Variants in LRRTM4 observed in about 807,000 individuals in gnomAD.
LRRTM4 encodes the protein leucine-rich repeat transmembrane neuronal protein 4.
A neutral mutation model predicts 47.6 loss-of-function variants in LRRTM4; 25 were observed. That is an observed-to-expected ratio of 0.53 (90% CI 0.38 to 0.73). LRRTM4 has a LOEUF of 0.73. Ranked by LOEUF, LRRTM4 falls within the 30% of genes least tolerant of loss-of-function variation. The pLI is 0.00. For missense variants in LRRTM4, 638 were observed against 713.4 expected (o/e 0.89, Z 1.20); for synonymous variants, 311 against 269.5 (o/e 1.15, Z -1.51).
intron 3 of LRRTM4, among the ~76,000 whole-genome samples, chr2:77,269,175 T>C (rs558748316): frequency 5.9e-5 from 9 of 152,282 alleles, no homozygotes; most frequent in African/African-American, 2.2e-4. Context: ...GAATTTCTTT[T>C]AATAAACTGG....
At chr2:77,382,469 AT>A (rs1673099671) in intron 3 of LRRTM4, among the ~76,000 whole-genome samples, 2 of 152,098 alleles carry the variant, frequency 1.3e-5, no homozygotes, top group Non-Finnish European at 2.9e-5. Flanking sequence ...CCTTACAGAT[AT>A]CCCCCAAAAT....
At chr2:76,974,227 C>CATATATATATATATACATATATAT (rs770055399) in intron 3 of LRRTM4, among the ~76,000 whole-genome samples, 2 of 125,152 alleles carry the variant, frequency 1.6e-5, no homozygotes, top group Admixed American at 8.5e-5. Flanking sequence ...TATATACATA[C>CATATATATATATATACATATATAT]ATATATATAT....
chr2:77,399,572 G>C (rs1169368617), intron 3 of LRRTM4, among the ~76,000 whole-genome samples: 2 of 151,842 alleles, frequency 1.3e-5, no homozygotes, highest in Non-Finnish European at 1.5e-5. Context: ...GGTGACTGTA[G>C]TTAACAACAA....
intron 3 of LRRTM4, among the ~76,000 whole-genome samples, chr2:77,216,752 T>G (rs950814125): frequency 6.6e-6 from 1 of 151,494 alleles, no homozygotes; most frequent in Non-Finnish European, 1.5e-5. Flanking sequence ...CTTTCAGACT[T>G]AGTTGTGCAT....
At chr2:77,481,258 C>T (rs1056792268) in intron 3 of LRRTM4, among the ~76,000 whole-genome samples, 1 of 152,290 alleles carries the variant, frequency 6.6e-6, no homozygotes, top group South Asian at 2.1e-4. Context: ...TTATTATCTC[C>T]ATTTTAGAGA....
In LRRTM4 at chr2:76,880,292, C is replaced by G. The variant is rs116488350; in HGVS notation, c.1552-131376G>C. Reference sequence around the variant, plus strand: ...TATCTATTTTTAAAAATTGCCATAGCCACCTCGAACTTCAGCAACCACCAC... The same window carrying G: ...TATCTATTTTTAAAAATTGCCATAGGCACCTCGAACTTCAGCAACCACCAC... On this transcript the variant is annotated intron_variant, in intron 3 of 3. Transcript: ENST00000409884. Among the ~76,000 whole-genome samples, 340 of 152,234 alleles carry G rather than the reference C, an allele frequency of 2.2e-3. 2 individuals carry two copies. The highest frequency in any genetic ancestry group is 7.4e-3 in the African/African-American group (306 of 41,544).
chr2:77,010,534 ACACACACACAC>A (rs1372458505), intron 3 of LRRTM4, among the ~76,000 whole-genome samples: 3 of 125,316 alleles, frequency 2.4e-5, no homozygotes, highest in African/African-American at 8.2e-5. Flanking sequence ...ACACACACAC[ACACACACACAC>A]AGTCTTTAAC....
chr2:77,050,384 T>G (rs1405091452), intron 3 of LRRTM4, among the ~76,000 whole-genome samples: 2 of 152,152 alleles, frequency 1.3e-5, no homozygotes, highest in African/African-American at 4.8e-5. Context: ...GTAGGGGGTT[T>G]TGTTTGTTTT....
intron 3 of LRRTM4, among the ~76,000 whole-genome samples, chr2:76,977,080 C>G (rs114468709): frequency 0.018 from 2,669 of 151,526 alleles, 66 homozygotes; most frequent in African/African-American, 0.057. Flanking sequence ...TCACTTTCAG[C>G]AAAACTCTTA....
intron 3 of LRRTM4, among the ~76,000 whole-genome samples, chr2:76,981,335 G>A (rs1676601369): frequency 6.6e-6 from 1 of 152,040 alleles, no homozygotes; most frequent in African/African-American, 2.4e-5. Context: ...TCCACAGTTG[G>A]GAAGAGCAAC....
At chr2:77,386,477 C>T (rs1461019521) in intron 3 of LRRTM4, among the ~76,000 whole-genome samples, 2 of 152,106 alleles carry the variant, frequency 1.3e-5, no homozygotes, top group East Asian at 1.9e-4. Flanking sequence ...CATAGTACTC[C>T]ATGGTGTGTA....
chr2:77,275,591 A>T (rs1475444580), intron 3 of LRRTM4, among the ~76,000 whole-genome samples: 1 of 152,166 alleles, frequency 6.6e-6, no homozygotes, highest in Non-Finnish European at 1.5e-5. Flanking sequence ...AAGGCTTTTT[A>T]AAACTACTGT....
chr2:77,045,836 G>T (rs1278754978), intron 3 of LRRTM4, among the ~76,000 whole-genome samples: 3 of 151,400 alleles, frequency 2.0e-5, no homozygotes, highest in Admixed American at 1.3e-4. Flanking sequence ...CATTTTTTTT[G>T]CTATCATCTG....
chr2:77,216,990 G>A lies in LRRTM4; in HGVS notation c.1551+301328C>T, dbSNP rs920837172. On this transcript the variant is annotated intron_variant, in intron 3 of 3. Coordinates refer to ENST00000409884, the MANE Select transcript of LRRTM4 (RefSeq NM_001134745.3). Reference sequence around the variant, plus strand: ...CGGGAGGCTGAGGCAGGAGAATGGCGTGAACCTGGGAGGCAGAGGTTGCGG... The same window carrying A: ...CGGGAGGCTGAGGCAGGAGAATGGCATGAACCTGGGAGGCAGAGGTTGCGG... Among the ~76,000 whole-genome samples, 16 of 151,264 alleles carry A rather than the reference G, an allele frequency of 1.1e-4. No homozygotes were observed. In the East Asian group the frequency reaches 2.2e-3, roughly 20 times the overall value.
chr2:77,089,063 A>C (rs569366049), intron 3 of LRRTM4, among the ~76,000 whole-genome samples: 2 of 152,178 alleles, frequency 1.3e-5, no homozygotes, highest in East Asian at 3.9e-4. Flanking sequence ...CTCTCTGATT[A>C]TACGCCCACG....
chr2:77,136,473 CT>C (rs1671946194), intron 3 of LRRTM4, among the ~76,000 whole-genome samples: 1 of 152,186 alleles, frequency 6.6e-6, no homozygotes, highest in Non-Finnish European at 1.5e-5. Context: ...AAAACCCCAT[CT>C]GTATGTCACC....
chr2:77,125,279 A>T (rs528891752), intron 3 of LRRTM4, among the ~76,000 whole-genome samples: 1 of 152,258 alleles, frequency 6.6e-6, no homozygotes, highest in Admixed American at 6.5e-5. Flanking sequence ...GATGATGTTT[A>T]AAGATTTTGT....
At chr2:76,806,305 C>T (rs1413263427) in intron 3 of LRRTM4, among the ~76,000 whole-genome samples, 4 of 152,096 alleles carry the variant, frequency 2.6e-5, no homozygotes, top group Admixed American at 1.3e-4. Context: ...AAAACCGGCC[C>T]GTGCGGTGGC....
At chr2:76,889,321 T>C (rs950028983) in intron 3 of LRRTM4, among the ~76,000 whole-genome samples, 44 of 152,016 alleles carry the variant, frequency 2.9e-4, no homozygotes, top group Non-Finnish European at 2.9e-4. Flanking sequence ...CAGATATTGA[T>C]TGTGAGTTAC....
Sources: gnomAD v4.1 joint callset for allele counts (sites outside exome capture counted in the v4.1 genomes callset) on GRCh38, gnomAD v4.1.1 for gene constraint, MANE v1.5 for transcripts, NCBI Gene and HGNC (gene_info 2026-07-23, HGNC 2026-07-21) for gene names.